POLB: variants seen among roughly 807,000 people sequenced by gnomAD.
POLB encodes the protein 5'-dRP lyase.
Under a neutral mutation model 52.7 loss-of-function variants are expected in POLB, and 37 were observed. That is an observed-to-expected ratio of 0.70 (90% CI 0.54 to 0.92). The LOEUF is 0.92. Among genes scored for constraint, POLB ranks in the 40% least tolerant of loss-of-function variants. The pLI is 0.00. For missense variants in POLB, 313 were observed against 400.8 expected, an observed-to-expected ratio of 0.78 and a Z score of 1.87; for synonymous variants, 138 against 131.3, an observed-to-expected ratio of 1.05 and a Z score of -0.35.
At chr8:42,342,274 C>T in intron 2 of POLB, 1 of 1,542,112 alleles carries the variant, frequency 6.5e-7, no homozygotes, top group Non-Finnish European at 8.9e-7. Context: ...CTCCACTTGG[C>T]CTTCATAGAT....
chr8:42,346,844 T>C (rs1822648196), intron 3 of POLB, among the ~76,000 whole-genome samples: 1 of 152,230 alleles, frequency 6.6e-6, no homozygotes, highest in Non-Finnish European at 1.5e-5. Context: ...CTCTGATATA[T>C]AGGCTTTAAA....
chr8:42,370,068 CCTT>C lies in POLB; in HGVS notation c.913+83_913+85del, dbSNP rs1339500135. On this transcript the variant is annotated intron_variant, in intron 13 of 13. Coordinates refer to ENST00000265421, the MANE Select transcript of POLB (RefSeq NM_002690.3). The stretch of plus-strand genomic sequence containing the variant: ...TTCAAAGATACTTTGGTTTAGCAAA[CCTT>C]CTAATAACTATGCCAGTTAGTGTAG... 6 of 1,091,318 alleles carry C rather than the reference CCTT, an allele frequency of 5.5e-6. 1 individual carries two copies. The highest frequency in any genetic ancestry group is 2.5e-5 in the South Asian group (2 of 78,760). 67.6% of individuals were successfully genotyped at this position (1,091,318 alleles called of 1,614,324 possible). A position where few individuals can be genotyped will look rare whatever the true frequency, so the allele number is the denominator to read the frequency against.
chr8:42,361,920 A>T (rs1823718805), intron 10 of POLB, among the ~76,000 whole-genome samples: 1 of 152,236 alleles, frequency 6.6e-6, no homozygotes. Flanking sequence ...TTCATTTGAT[A>T]AGATGAATTT....
In POLB at chr8:42,363,926, CTTTTTT is replaced by C. The variant is rs766603558; in HGVS notation, c.708+1240_708+1245del. ...CAGATAGAAATCTAGAATTACGATT[CTTTTTT>C]TTTTTTTTTTTGAAAAGGAGTTTCA... is the stretch of plus-strand genomic sequence containing the variant. On this transcript the variant is annotated intron_variant, in intron 11 of 13. Transcript: ENST00000265421. Among the ~76,000 whole-genome samples, 4 of 132,358 alleles carry C rather than the reference CTTTTTT, an allele frequency of 3.0e-5. No individual in the cohort carries two copies. In the East Asian group the frequency reaches 6.5e-4, roughly 22 times the overall value. 86.8% of individuals were successfully genotyped at this position (132,358 alleles called of 152,430 possible). A position where few individuals can be genotyped will look rare whatever the true frequency, so the allele number is the denominator to read the frequency against.
chr8:42,357,990 G>T (rs1823431410), intron 9 of POLB: 1 of 152,132 alleles, frequency 6.6e-6, no homozygotes, highest in South Asian at 2.1e-4. Flanking sequence ...CTCCCAAAGT[G>T]CTGGGATTAC....
At position 42,365,774 on chromosome 8, in the gene POLB, A is replaced by G. The variant is rs142420763; in HGVS notation, c.708+3076A>G. ...GAAGAGAGATCCAGAGGAAAAACCAACAGAAGCTATAGGAATCCAGCTAGC... is the reference window on the plus strand; with the variant it reads ...GAAGAGAGATCCAGAGGAAAAACCAGCAGAAGCTATAGGAATCCAGCTAGC... On this transcript the variant is annotated intron_variant, in intron 11 of 13. Transcript: ENST00000265421. Among the ~76,000 whole-genome samples the G allele has an allele frequency of 2.0e-3, 305 of 152,306 alleles. 2 individuals are homozygous for G. The highest frequency in any genetic ancestry group is 0.01 in the Middle Eastern group (3 of 294).
At chr8:42,353,048 T>TG (rs1222475946) in intron 6 of POLB, among the ~76,000 whole-genome samples, 1 of 151,062 alleles carries the variant, frequency 6.6e-6, no homozygotes, top group Non-Finnish European at 1.5e-5. Context: ...CACTCCAGCC[T>TG]GGGTGACAGA....
At chr8:42,355,345 G>A (rs1288119639) in intron 6 of POLB, 171 bp from the exon 7 acceptor site, 1 of 541,712 alleles carries the variant, frequency 1.8e-6, no homozygotes, top group Non-Finnish European at 3.4e-6. Context: ...GCCCTGAAGA[G>A]TCACTTTTAT....
At chr8:42,371,130 T>C (rs577855548) in intron 13 of POLB, among the ~76,000 whole-genome samples, 19 of 152,238 alleles carry the variant, frequency 1.2e-4, no homozygotes, top group African/African-American at 4.6e-4. Context: ...GTAGTCAGTG[T>C]CTTTTTTTTT....
intron 2 of POLB, among the ~76,000 whole-genome samples, chr8:42,343,341 A>T (rs1346359634): frequency 3.4e-4 from 13 of 38,790 alleles, no homozygotes; most frequent in South Asian, 2.8e-3. Context: ...AAAAAAAAAA[A>T]AAAAATATAT....
At chr8:42,353,152 A>G (rs1019328673) in intron 6 of POLB, among the ~76,000 whole-genome samples, 1 of 151,244 alleles carries the variant, frequency 6.6e-6, no homozygotes, top group South Asian at 2.1e-4. Flanking sequence ...AAATTTTTCA[A>G]ATATCTAAAT....
intron 6 of POLB, among the ~76,000 whole-genome samples, chr8:42,355,210 T>C (rs946839976): frequency 9.2e-5 from 14 of 151,934 alleles, no homozygotes; most frequent in Non-Finnish European, 2.9e-5. Flanking sequence ...CGCTAATTTT[T>C]TGCATTTTTA....
At chr8:42,363,892 A>G (rs1417179984) in intron 11 of POLB, among the ~76,000 whole-genome samples, 1 of 151,930 alleles carries the variant, frequency 6.6e-6, no homozygotes, top group Non-Finnish European at 1.5e-5. Flanking sequence ...ATAAACACCA[A>G]CAGGAAGGCA....
chr8:42,341,805 T>G (rs1324606295), intron 2 of POLB: 3 of 513,310 alleles, frequency 5.8e-6, no homozygotes, highest in Non-Finnish European at 7.4e-6. Flanking sequence ...GTGGGGAAGC[T>G]TGCCTTCTTT....
At chr8:42,351,075 A>G (rs1028371370) in intron 5 of POLB, among the ~76,000 whole-genome samples, 1 of 152,074 alleles carries the variant, frequency 6.6e-6, no homozygotes, top group African/African-American at 2.4e-5. Context: ...AGGTCTCCCT[A>G]TGTTGCCTAG....
intron 2 of POLB, among the ~76,000 whole-genome samples, chr8:42,340,672 A>C (rs1822146151): frequency 6.6e-6 from 1 of 151,994 alleles, no homozygotes; most frequent in East Asian, 1.9e-4. Context: ...TATGTCAGTG[A>C]CTCCAAATCT....
chr8:42,362,791 T>C, intron 11 of POLB, 93 bp downstream of exon 11: 2 of 697,912 alleles, frequency 2.9e-6, no homozygotes, highest in Non-Finnish European at 5.1e-6. Context: ...AGCTTTGAAT[T>C]ACAGTCACCA....
chr8:42,362,915 G>A (rs921620735), intron 11 of POLB, among the ~76,000 whole-genome samples: 2 of 151,720 alleles, frequency 1.3e-5, no homozygotes, highest in South Asian at 4.2e-4. Context: ...GCCTGAGGTC[G>A]GGAGCTCAAG....
intron 10 of POLB, among the ~76,000 whole-genome samples, chr8:42,362,132 C>T (rs1273618322): frequency 7.9e-5 from 12 of 152,024 alleles, no homozygotes; most frequent in East Asian, 1.9e-4. Context: ...TGGTGGTGCG[C>T]GCCTGTAGTC....
Sources: allele counts gnomAD v4.1 joint callset (sites outside exome capture counted in the v4.1 genomes callset), GRCh38; gene constraint gnomAD v4.1.1; transcripts MANE v1.5; gene names NCBI Gene and HGNC (gene_info 2026-07-23, HGNC 2026-07-21).